CCDC192: variants seen among roughly 807,000 people sequenced by gnomAD.
CCDC192 encodes coiled-coil domain containing 192, also known as coiled-coil domain-containing protein 192.
At position 127,830,469 on chromosome 5, in the gene CCDC192, T is replaced by A. The variant is rs573522708; in HGVS notation, c.411+32307T>A. 3.3e-5 allele frequency among the ~76,000 whole-genome samples: 5 copies of A among 152,334 alleles called. No homozygotes were observed. In the South Asian group the frequency reaches 1.0e-3, roughly 32 times the overall value. ...TGGCCTCTCTCCTTGGCTTGCAGGCTTCTTGCTGCGTCCTTATATGATCTT... is the reference window on the plus strand; with the variant it reads ...TGGCCTCTCTCCTTGGCTTGCAGGCATCTTGCTGCGTCCTTATATGATCTT... On this transcript the variant is annotated intron_variant, in intron 5 of 6. Coordinates refer to ENST00000514853, the MANE Select transcript of CCDC192 (RefSeq NM_001317938.2).
At chr5:127,827,093 C>G (rs191412356) in intron 5 of CCDC192, among the ~76,000 whole-genome samples, 9 of 152,228 alleles carry the variant, frequency 5.9e-5, no homozygotes, top group Admixed American at 5.9e-4. Context: ...AATTATGTCA[C>G]CTACAGAGGC....
chr5:127,855,149 G>A (rs971021716), intron 5 of CCDC192, among the ~76,000 whole-genome samples: 10 of 152,138 alleles, frequency 6.6e-5, no homozygotes, highest in Non-Finnish European at 1.0e-4. Flanking sequence ...TCTTGCTTTC[G>A]TGAAAGATTC....
chr5:127,766,906 G>T (rs889794448), intron 3 of CCDC192, among the ~76,000 whole-genome samples: 5 of 152,124 alleles, frequency 3.3e-5, no homozygotes, highest in African/African-American at 9.7e-5. Flanking sequence ...ATTCATCTGG[G>T]AACAGTTGCC....
intron 2 of CCDC192, among the ~76,000 whole-genome samples, chr5:127,725,037 G>T (rs77478718): frequency 0.011 from 1,647 of 152,114 alleles, 15 homozygotes; most frequent in African/African-American, 0.018. Flanking sequence ...AAACTGATTA[G>T]AAATTTTAAT....
chr5:127,880,696 T>C (rs903559358), intron 6 of CCDC192, among the ~76,000 whole-genome samples: 3 of 151,748 alleles, frequency 2.0e-5, no homozygotes, highest in Non-Finnish European at 4.4e-5. Flanking sequence ...AAATATAGTA[T>C]AGGCCAGGCA....
intron 2 of CCDC192, among the ~76,000 whole-genome samples, chr5:127,733,795 C>T (rs73345017): frequency 0.12 from 18,438 of 151,016 alleles, 2,452 homozygotes; most frequent in African/African-American, 0.31. Flanking sequence ...CCAGATTCCA[C>T]GCTGTTTGGC....
rs1408044595 is a variant in CCDC192, at chr5:127,797,234, G to A, written c.354G>A (p.Gln118=). 2.5e-6 allele frequency: 1 copy of A among 397,754 alleles called. No homozygotes were observed. The highest frequency in any genetic ancestry group is 4.4e-6 in the Non-Finnish European group (1 of 225,332). 24.6% of individuals were successfully genotyped at this position (397,754 alleles called of 1,614,324 possible). Residue 118 remains glutamine (Q), a splice_region_variant and synonymous_variant, in exon 4 of 7, where the codon CAG becomes CAA. Coordinates refer to ENST00000514853, the MANE Select transcript of CCDC192 (RefSeq NM_001317938.2). ...PYEKMVLVKD[Q]CIQKLQAEVK... is the part of the protein sequence containing the mutation. ...AAAAAATGGTTCTTGTGAAAGACCA[G>A]GTATGTTGTAGAACAAAGTCATCTT... is the stretch of plus-strand genomic sequence containing the variant.
chr5:127,845,211 G>T (rs1164350886), intron 5 of CCDC192, among the ~76,000 whole-genome samples: 1 of 152,158 alleles, frequency 6.6e-6, no homozygotes, highest in Non-Finnish European at 1.5e-5. Context: ...CTCCATGTCA[G>T]TCATGGAGAC....
chr5:127,824,996 A>G (rs1443142893), intron 5 of CCDC192, among the ~76,000 whole-genome samples: 1 of 152,208 alleles, frequency 6.6e-6, no homozygotes, highest in Non-Finnish European at 1.5e-5. Context: ...CTTTAAGATA[A>G]TCTGGATACC....
At chr5:127,805,054 A>G (rs955514715) in intron 5 of CCDC192, among the ~76,000 whole-genome samples, 2 of 152,142 alleles carry the variant, frequency 1.3e-5, no homozygotes, top group Admixed American at 6.5e-5. Context: ...TCAACTGGTG[A>G]GTCAAATGAG....
chr5:127,718,258 CAAAG>C (rs557286257), intron 2 of CCDC192, among the ~76,000 whole-genome samples: 146 of 152,148 alleles, frequency 9.6e-4, no homozygotes, highest in Non-Finnish European at 1.8e-3. Flanking sequence ...TGTCAACAGA[CAAAG>C]AAATTTAGAA....
chr5:127,852,840 A>G (rs1750861370), intron 5 of CCDC192, among the ~76,000 whole-genome samples: 1 of 152,076 alleles, frequency 6.6e-6, no homozygotes, highest in South Asian at 2.1e-4. Context: ...CACACCTGTA[A>G]TCCCAGCACT....
intron 2 of CCDC192, among the ~76,000 whole-genome samples, chr5:127,743,722 A>G (rs1396811497): frequency 6.6e-6 from 1 of 152,198 alleles, no homozygotes; most frequent in Admixed American, 6.5e-5. Context: ...TACTGTTTTC[A>G]CTGGAGTGGA....
In CCDC192 at chr5:127,736,523, C is replaced by T. The variant is rs1204002960; in HGVS notation, c.115-17745C>T. Among the ~76,000 whole-genome samples, 51 of 152,002 alleles carry T rather than the reference C, an allele frequency of 3.4e-4. 1 individual carries two copies. Among genetic ancestry groups the T allele is most frequent in the Admixed American group, 3.3e-3 (51 of 15,296 alleles). On this transcript the variant is annotated intron_variant, in intron 2 of 6. Transcript: ENST00000514853. ...GGAATGGTACCAGTTCCTCCTTTTA[C>T]CTCTGGTAGAATTCGGCTGTGAATC...
intron 6 of CCDC192, among the ~76,000 whole-genome samples, chr5:127,894,292 A>G (rs554116865): frequency 0.016 from 2,328 of 144,564 alleles, 45 homozygotes; most frequent in African/African-American, 0.054. Context: ...TCCCGGGTTC[A>G]TGCCATTCTT....
intron 5 of CCDC192, among the ~76,000 whole-genome samples, chr5:127,848,814 G>A (rs1268414542): frequency 6.6e-6 from 1 of 152,214 alleles, no homozygotes; most frequent in African/African-American, 2.4e-5. Flanking sequence ...AGAAAAGGCA[G>A]TATCCATTAT....
At chr5:127,904,163 G>A (rs909964127) in intron 6 of CCDC192, among the ~76,000 whole-genome samples, 2 of 152,148 alleles carry the variant, frequency 1.3e-5, no homozygotes, top group African/African-American at 4.8e-5. Context: ...GAGAAAGGGA[G>A]CCACGAACCA....
At chr5:127,717,409 C>T (rs1490096158) in intron 2 of CCDC192, among the ~76,000 whole-genome samples, 1 of 152,034 alleles carries the variant, frequency 6.6e-6, no homozygotes, top group African/African-American at 2.4e-5. Flanking sequence ...AATAGTGTAG[C>T]CTAAATTCTC....
At position 127,752,756 on chromosome 5, in the gene CCDC192, G is replaced by A. The variant is rs573149124; in HGVS notation, c.115-1512G>A. On this transcript the variant is annotated intron_variant, in intron 2 of 6. Transcript: ENST00000514853. The stretch of plus-strand genomic sequence containing the variant: ...TTGATCTCAGACTGCTGTGCTAGCA[G>A]TCAGCGAGACTCCGTGGGCGTAGGA... 7.6e-3 allele frequency among the ~76,000 whole-genome samples: 1,150 copies of A among 152,298 alleles called. 11 individuals carry two copies. Among genetic ancestry groups the A allele is most frequent in the Admixed American group, 0.012 (182 of 15,296 alleles).
Sources: allele counts gnomAD v4.1 joint callset (sites outside exome capture counted in the v4.1 genomes callset), GRCh38; gene constraint gnomAD v4.1.1; transcripts MANE v1.5; gene names NCBI Gene and HGNC (gene_info 2026-07-23, HGNC 2026-07-21).